PAM: variants seen among roughly 807,000 people sequenced by gnomAD.
The protein encoded by PAM is peptidylglycine alpha-amidating monooxygenase.
PAM carries 72 observed loss-of-function variants against 122.1 expected under a neutral mutation model. That is an observed-to-expected ratio of 0.59 (90% CI 0.49 to 0.72). The LOEUF is 0.72. PAM is among the 30% of genes least tolerant of loss of function. The probability of loss-of-function intolerance (pLI) is 0.00; values close to 1 mark genes in which losing one functional copy is unlikely to be tolerated. For synonymous variants in PAM, 389 were observed against 404.4 expected (o/e 0.96, Z 0.46); for missense variants, 1,106 against 1,183.7 (o/e 0.93, Z 0.96).
chr5:103,024,842 T>C lies in PAM; in HGVS notation c.2486-289T>C, dbSNP rs551854407. Among the ~76,000 whole-genome samples, 45 of 152,234 alleles carry C rather than the reference T, an allele frequency of 3.0e-4. No individual in the cohort carries two copies. The South Asian group carries it at 6.8e-3, about 23-fold the overall frequency. The stretch of plus-strand genomic sequence containing the variant: ...ACAGTACTGTCTTATTAATTTTACC[T>C]TTGGAAAAATACAAAAGGATATATA... On this transcript the variant is annotated intron_variant, in intron 23 of 25. Transcript: ENST00000438793.
At chr5:102,910,102 A>G (rs1800928609) in intron 4 of PAM, among the ~76,000 whole-genome samples, 1 of 151,868 alleles carries the variant, frequency 6.6e-6, no homozygotes, top group African/African-American at 2.4e-5. Context: ...CTGGCAGAAG[A>G]ATCAAAATTT....
intron 1 of PAM, among the ~76,000 whole-genome samples, chr5:102,807,631 TAG>T (rs1375805825): frequency 6.6e-6 from 1 of 152,136 alleles, no homozygotes; most frequent in Non-Finnish European, 1.5e-5. Flanking sequence ...GAGAAGTAAA[TAG>T]AGTCAGTTTT....
chr5:102,883,087 T>C (rs974598099), intron 3 of PAM, among the ~76,000 whole-genome samples: 7 of 152,074 alleles, frequency 4.6e-5, no homozygotes, highest in African/African-American at 1.7e-4. Context: ...GTGCTTGTGT[T>C]TATAGTGGTA....
chr5:102,782,171 A>T (rs1323156039), intron 1 of PAM, among the ~76,000 whole-genome samples: 3 of 152,256 alleles, frequency 2.0e-5, no homozygotes, highest in Admixed American at 1.3e-4. Flanking sequence ...TTCTTCAAAG[A>T]GTAAATCATA....
intron 4 of PAM, among the ~76,000 whole-genome samples, chr5:102,906,678 G>C (rs961641163): frequency 4.6e-5 from 7 of 151,708 alleles, no homozygotes; most frequent in East Asian, 1.9e-4. Context: ...AGAAGTAAAT[G>C]AGTGCCTGGC....
intron 14 of PAM, among the ~76,000 whole-genome samples, chr5:102,967,009 C>A (rs1368036906): frequency 1.3e-5 from 2 of 151,370 alleles, no homozygotes; most frequent in Admixed American, 1.3e-4. Context: ...TTTTTCTATC[C>A]AGTAATCTTA....
At chr5:102,896,754 A>G (rs892568278) in intron 3 of PAM, among the ~76,000 whole-genome samples, 1 of 151,742 alleles carries the variant, frequency 6.6e-6, no homozygotes, top group Non-Finnish European at 1.5e-5. Context: ...GGAAAGGGAA[A>G]CAAGGATAGA....
chr5:102,939,642 T>C (rs1252996254), intron 7 of PAM, among the ~76,000 whole-genome samples: 1 of 152,170 alleles, frequency 6.6e-6, no homozygotes, highest in African/African-American at 2.4e-5. Flanking sequence ...TGTTACTTTT[T>C]TAATCCTCAT....
intron 14 of PAM, among the ~76,000 whole-genome samples, chr5:102,972,332 A>C (rs1766089718): frequency 6.6e-6 from 1 of 152,140 alleles, no homozygotes; most frequent in African/African-American, 2.4e-5. Context: ...CTCAGGCTGG[A>C]GTACCGTGGC....
intron 3 of PAM, among the ~76,000 whole-genome samples, chr5:102,892,070 G>A (rs952906013): frequency 1.3e-4 from 20 of 151,802 alleles, no homozygotes; most frequent in Middle Eastern, 3.4e-3. Context: ...TATAATTCTG[G>A]CCATTTAGAT....
rs116997116 is a variant in PAM at position 102,929,845 on chromosome 5, C to T, written c.526+3177C>T. On this transcript the variant is annotated intron_variant, in intron 7 of 25. Coordinates refer to ENST00000438793, the MANE Select transcript of PAM (RefSeq NM_001177306.2). ...CACAAATTCATAAACTTTCTTAAAA[C>T]ATTATGAGATGTTTTTTGCGATTCT... is the stretch of plus-strand genomic sequence containing the variant. 7.3e-4 allele frequency among the ~76,000 whole-genome samples: 110 copies of T among 151,196 alleles called. No individual in the cohort carries two copies. In the East Asian group the frequency reaches 0.02, roughly 27 times the overall value.
At chr5:102,768,359 C>T (rs546914784) in intron 1 of PAM, among the ~76,000 whole-genome samples, 1 of 152,096 alleles carries the variant, frequency 6.6e-6, no homozygotes, top group East Asian at 1.9e-4. Flanking sequence ...CCTAATTGTA[C>T]ATTTTTAGTT....
chr5:102,982,039 C>T (rs1481919619), intron 15 of PAM, among the ~76,000 whole-genome samples: 1 of 152,018 alleles, frequency 6.6e-6, no homozygotes, highest in Non-Finnish European at 1.5e-5. Flanking sequence ...CAGCACTGCC[C>T]CTGCCAGTGC....
chr5:102,841,406 T>TAC (rs35825092), intron 1 of PAM, among the ~76,000 whole-genome samples: 8,083 of 138,432 alleles, frequency 0.058, 229 homozygotes, highest in Middle Eastern at 0.079. Context: ...CACCTACAAA[T>TAC]ACACACACAC....
intron 16 of PAM, among the ~76,000 whole-genome samples, chr5:103,002,551 A>G (rs145432712): frequency 1.6e-4 from 24 of 152,300 alleles, no homozygotes; most frequent in Admixed American, 1.5e-3. Flanking sequence ...TACCTAAAGT[A>G]TAATAACGAA....
intron 3 of PAM, among the ~76,000 whole-genome samples, chr5:102,898,837 T>C (rs535736532): frequency 6.6e-6 from 1 of 151,842 alleles, no homozygotes; most frequent in East Asian, 2.0e-4. Flanking sequence ...AGAGAAGTGC[T>C]TTAATAACCT....
chr5:102,874,253 G>A (rs1788435516), intron 3 of PAM, among the ~76,000 whole-genome samples: 1 of 152,110 alleles, frequency 6.6e-6, no homozygotes, highest in Non-Finnish European at 1.5e-5. Context: ...TCTCAGATTA[G>A]ATCTATTTGT....
chr5:102,861,973 C>A (rs1238391464), intron 1 of PAM, among the ~76,000 whole-genome samples: 1 of 151,928 alleles, frequency 6.6e-6, no homozygotes, highest in East Asian at 1.9e-4. Flanking sequence ...AGTTCGAGAC[C>A]AGCCTGGGAA....
At chr5:102,865,393 C>T (rs1215779768) in intron 1 of PAM, 1 of 152,326 alleles carries the variant, frequency 6.6e-6, no homozygotes, top group Non-Finnish European at 1.5e-5. Flanking sequence ...GTCTTTGCCT[C>T]TCTTCGTTTT....
Sources: allele counts gnomAD v4.1 joint callset (sites outside exome capture counted in the v4.1 genomes callset), GRCh38; gene constraint gnomAD v4.1.1; transcripts MANE v1.5; gene names NCBI Gene and HGNC (gene_info 2026-07-23, HGNC 2026-07-21).